Variants in SRGAP1 observed in about 807,000 individuals in gnomAD.
SRGAP1 encodes the protein SLIT-ROBO Rho GTPase activating protein 1, also known as SLIT-ROBO Rho GTPase-activating protein 1.
SRGAP1 carries 43 observed loss-of-function variants against 121.9 expected under a neutral mutation model. The ratio of observed to expected loss-of-function variants is 0.35; its 90% CI spans 0.28 to 0.46. SRGAP1 has a LOEUF of 0.46. SRGAP1 is among the 20% of genes least tolerant of loss of function. The pLI is 1.00. For synonymous variants in SRGAP1, 447 were observed against 485.4 expected (o/e 0.92, Z 1.04); for missense variants, 1,102 against 1,350.9 (o/e 0.82, Z 2.89).
chr12:64,052,622 A>T (rs2035258629), intron 6 of SRGAP1, among the ~76,000 whole-genome samples: 2 of 152,124 alleles, frequency 1.3e-5, no homozygotes, highest in African/African-American at 4.8e-5. Context: ...TTTTATATTT[A>T]AAAAAGAAAA....
chr12:64,147,258 T>C lies in SRGAP1; in HGVS notation c.*4586T>C, dbSNP rs567432955. 3.7e-5 allele frequency: 14 copies of C among 378,772 alleles called. No individual in the cohort carries two copies. Among genetic ancestry groups the C allele is most frequent in the African/African-American group, 2.1e-5 (1 of 48,346 alleles). 23.5% of individuals were successfully genotyped at this position (378,772 alleles called of 1,614,324 possible). On this transcript the variant is annotated 3_prime_UTR_variant, in exon 22 of 22. Transcript: ENST00000355086. ...CTTCCTGCTTGTGACTGTTACCTAA[T>C]TGTGTCAATGTACATCTGTAGTATG...
In SRGAP1 at chr12:64,043,453, G is replaced by A. The variant is rs774814377; in HGVS notation, c.679G>A (p.Ala227Thr). Residue 227 changes from alanine (A) to threonine (T), a missense_variant, in exon 6 of 22, where the codon GCA (alanine) becomes ACA (threonine). By Grantham distance (58) the Ala-to-Thr change is moderately conservative (BLOSUM62 0). Coordinates refer to ENST00000355086, the MANE Select transcript of SRGAP1 (RefSeq NM_020762.4). ...TGGATCTTCTTCATTCCAGAGACAA[G>A]CAAAATATTCAGAAAATAAGCTAAA... ...KIEKMKEKRQ[A>T]KYSENKLKSI... The A allele has an allele frequency of 2.1e-5, 33 of 1,609,484 alleles. No individual in the cohort carries two copies. Among genetic ancestry groups the A allele is most frequent in the Non-Finnish European group, 2.7e-5 (32 of 1,178,790 alleles).
At chr12:63,990,549 A>T (rs761515038) in intron 3 of SRGAP1, among the ~76,000 whole-genome samples, 1 of 152,208 alleles carries the variant, frequency 6.6e-6, no homozygotes, top group Non-Finnish European at 1.5e-5. Context: ...CAAAAAAAAG[A>T]GTTAAAAATT....
intron 15 of SRGAP1, among the ~76,000 whole-genome samples, chr12:64,098,694 G>C (rs535702875): frequency 1.3e-3 from 193 of 150,896 alleles, no homozygotes; most frequent in Non-Finnish European, 2.4e-3. Context: ...AAATAAAAAA[G>C]CTAACTCCAT....
chr12:64,017,526 G>A (rs2034434887), intron 4 of SRGAP1, among the ~76,000 whole-genome samples: 1 of 151,892 alleles, frequency 6.6e-6, no homozygotes, highest in Non-Finnish European at 1.5e-5. Flanking sequence ...ATGGTGGGAT[G>A]CGCCTGTAAT....
rs1328083503 is a variant in SRGAP1 at position 64,092,425 on chromosome 12, TTAAA to T, written c.1539+1053_1539+1056del. 1.3e-4 allele frequency among the ~76,000 whole-genome samples: 20 copies of T among 152,158 alleles called. No individual in the cohort carries two copies. The South Asian group carries it at 2.1e-3, about 16-fold the overall frequency. Reference sequence around the variant, plus strand: ...GTTTATTGAATATGTGTACTAATAATTAAATAAATGTGCATGTGGCATGTATAAG... The same window carrying T: ...GTTTATTGAATATGTGTACTAATAATTAAATGTGCATGTGGCATGTATAAG... On this transcript the variant is annotated intron_variant, in intron 12 of 21. Transcript: ENST00000355086.
intron 3 of SRGAP1, among the ~76,000 whole-genome samples, chr12:63,999,957 G>A (rs1345060051): frequency 6.6e-6 from 1 of 152,168 alleles, no homozygotes; most frequent in Non-Finnish European, 1.5e-5. Flanking sequence ...GGATCAGCCA[G>A]AGAGGTGAGA....
At chr12:63,878,009 G>T (rs1309124616) in intron 1 of SRGAP1, among the ~76,000 whole-genome samples, 1 of 152,200 alleles carries the variant, frequency 6.6e-6, no homozygotes, top group African/African-American at 2.4e-5. Flanking sequence ...ACATTTGGGA[G>T]AATTAGCTGG....
intron 6 of SRGAP1, among the ~76,000 whole-genome samples, chr12:64,052,437 C>G (rs1423848143): frequency 6.6e-6 from 1 of 151,946 alleles, no homozygotes; most frequent in East Asian, 1.9e-4. Flanking sequence ...TGCCTATAAT[C>G]CCAGCTACTC....
rs549128885 is a variant in SRGAP1, at chr12:64,017,221, A to G, written c.489+209A>G. ...GAAACTGTATTCAAATAAATTATCT[A>G]TCTACCTATCTGTCTGTCTACGTAC... On this transcript the variant is annotated intron_variant, in intron 4 of 21. Transcript: ENST00000355086. 2.0e-3 allele frequency among the ~76,000 whole-genome samples: 310 copies of G among 152,290 alleles called. 3 individuals carry two copies. The highest frequency in any genetic ancestry group is 7.1e-3 in the African/African-American group (293 of 41,556).
chr12:63,939,116 C>T (rs2031769568), intron 1 of SRGAP1, among the ~76,000 whole-genome samples: 1 of 150,226 alleles, frequency 6.7e-6, no homozygotes, highest in Non-Finnish European at 1.5e-5. Flanking sequence ...GATCACACCA[C>T]TGCACACTAG....
chr12:63,966,418 C>T (rs1288169245), intron 1 of SRGAP1, among the ~76,000 whole-genome samples: 2 of 152,046 alleles, frequency 1.3e-5, no homozygotes, highest in Admixed American at 6.6e-5. Flanking sequence ...TAAACTTGTG[C>T]TTTCAAAGGA....
intron 8 of SRGAP1, among the ~76,000 whole-genome samples, chr12:64,070,588 T>C (rs769290564): frequency 5.3e-5 from 8 of 152,222 alleles, no homozygotes; most frequent in Non-Finnish European, 8.8e-5. Flanking sequence ...TTTGCGACAG[T>C]GTTGAATGAA....
At chr12:64,080,542 CT>C (rs1354575285) in intron 10 of SRGAP1, 172 bp downstream of exon 10, 2 of 705,058 alleles carry the variant, frequency 2.8e-6, no homozygotes, top group Admixed American at 4.1e-5. Flanking sequence ...GCACGATTTT[CT>C]TCTAAAGCAT....
chr12:63,903,582 G>A (rs779578829), intron 1 of SRGAP1, among the ~76,000 whole-genome samples: 1 of 148,818 alleles, frequency 6.7e-6, no homozygotes, highest in East Asian at 2.0e-4. Context: ...TTGAGACAGA[G>A]TCTCACTCTG....
At chr12:64,058,518 A>G (rs964229044) in intron 6 of SRGAP1, among the ~76,000 whole-genome samples, 4 of 152,280 alleles carry the variant, frequency 2.6e-5, no homozygotes, top group Non-Finnish European at 5.9e-5. Context: ...TTAAAAATAT[A>G]CATATGCCCT....
At position 64,149,064 on chromosome 12, in the gene SRGAP1, T is replaced by C. The variant is rs958633163; in HGVS notation, c.*6392T>C. The C allele has an allele frequency of 6.6e-6, 1 of 152,246 alleles. No homozygotes were observed. Among genetic ancestry groups the C allele is most frequent in the Admixed American group, 6.5e-5 (1 of 15,284 alleles). The allele number at this position is 152,246 out of a possible 1,614,324, so 9.4% of individuals were successfully genotyped here. The stretch of plus-strand genomic sequence containing the variant: ...TTCCATTTTTACTGCTATATAGAAT[T>C]CCATTACATGAATATGCTCAATATT... On this transcript the variant is annotated 3_prime_UTR_variant, in exon 22 of 22. Transcript: ENST00000355086.
intron 8 of SRGAP1, among the ~76,000 whole-genome samples, chr12:64,076,433 G>A (rs2035739578): frequency 6.6e-6 from 1 of 152,098 alleles, no homozygotes; most frequent in African/African-American, 2.4e-5. Flanking sequence ...AGCTACATAG[G>A]AATTCTAGCA....
At chr12:63,865,227 CGGGCAGATCACA>C (rs1012833703) in intron 1 of SRGAP1, among the ~76,000 whole-genome samples, 1 of 152,044 alleles carries the variant, frequency 6.6e-6, no homozygotes, top group African/African-American at 2.4e-5. Context: ...GAGGCTGAGG[CGGGCAGATCACA>C]GGGCAGATCA....
Sources: allele counts gnomAD v4.1 joint callset (sites outside exome capture counted in the v4.1 genomes callset), GRCh38; gene constraint gnomAD v4.1.1; transcripts MANE v1.5; gene names NCBI Gene and HGNC (gene_info 2026-07-23, HGNC 2026-07-21).